The following THSD7A variants were observed in gnomAD, a reference collection of about 807,000 sequenced individuals.
The protein encoded by THSD7A is thrombospondin type-1 domain-containing protein 7A.
THSD7A carries 96 observed loss-of-function variants against 231.3 expected under a neutral mutation model. The observed-to-expected ratio is 0.41, with a 90% CI of 0.35 to 0.49. The LOEUF (loss-of-function observed/expected upper bound fraction) is 0.49. THSD7A is among the 20% of genes least tolerant of loss of function. The pLI, the probability that THSD7A is intolerant of heterozygous loss-of-function variation, is 0.05. For synonymous variants in THSD7A, 940 were observed against 743.3 expected, an observed-to-expected ratio of 1.26 and a Z score of -4.30; for missense variants, 2,290 against 2,070.2, an observed-to-expected ratio of 1.11 and a Z score of -2.06.
chr7:11,820,482 A>T, intron 1 of THSD7A: 1 of 1,051,614 alleles, frequency 9.5e-7, no homozygotes, highest in Non-Finnish European at 1.4e-6. Flanking sequence ...GTCATCATGC[A>T]AGTAATACTT....
At chr7:11,557,175 G>C (rs1029934342) in intron 4 of THSD7A, among the ~76,000 whole-genome samples, 1 of 151,382 alleles carries the variant, frequency 6.6e-6, no homozygotes, top group African/African-American at 2.4e-5. Flanking sequence ...ATTTTTTTCT[G>C]TGTTGTTCGG....
intron 4 of THSD7A, among the ~76,000 whole-genome samples, chr7:11,546,779 G>C (rs1220675507): frequency 6.6e-6 from 1 of 152,146 alleles, no homozygotes; most frequent in African/African-American, 2.4e-5. Context: ...AGATCACTGA[G>C]ATTCAGGAGA....
At chr7:11,764,235 T>A (rs1782956168) in intron 1 of THSD7A, among the ~76,000 whole-genome samples, 1 of 152,114 alleles carries the variant, frequency 6.6e-6, no homozygotes, top group Non-Finnish European at 1.5e-5. Context: ...AAATACCAAC[T>A]GAAATTAAAT....
chr7:11,519,098 T>C (rs1788155094), intron 6 of THSD7A, among the ~76,000 whole-genome samples: 1 of 152,172 alleles, frequency 6.6e-6, no homozygotes, highest in African/African-American at 2.4e-5. Flanking sequence ...TTTTCCTGTT[T>C]TTAATTTTTT....
intron 1 of THSD7A, among the ~76,000 whole-genome samples, chr7:11,739,134 T>A (rs1782018212): frequency 6.6e-6 from 1 of 151,974 alleles, no homozygotes; most frequent in Non-Finnish European, 1.5e-5. Context: ...AAGACATACA[T>A]AATTTGACTA....
intron 1 of THSD7A, among the ~76,000 whole-genome samples, chr7:11,823,012 C>A (rs1784918728): frequency 6.6e-6 from 1 of 152,004 alleles, no homozygotes; most frequent in Non-Finnish European, 1.5e-5. Flanking sequence ...AGGTCTCAGT[C>A]ATAAACTGAT....
chr7:11,757,140 C>T (rs1009619279), intron 1 of THSD7A, among the ~76,000 whole-genome samples: 12 of 151,846 alleles, frequency 7.9e-5, no homozygotes, highest in African/African-American at 2.2e-4. Context: ...CCACTGCAAA[C>T]GTGAAGGTTA....
chr7:11,590,878 CTTATAAATAT>C lies in THSD7A; in HGVS notation c.1272-247_1272-238del, dbSNP rs1228497347. 6.6e-6 allele frequency among the ~76,000 whole-genome samples: 1 copy of C among 152,076 alleles called. No homozygotes were observed. Among genetic ancestry groups the C allele is most frequent in the African/African-American group, 2.4e-5 (1 of 41,406 alleles). ...TTTCAATTGCAATTACTGGAAGTTA[CTTATAAATAT>C]TTTATGAAAAGGGAGCACAATGCTG... On this transcript the variant is annotated intron_variant, in intron 3 of 27. Coordinates refer to ENST00000423059, the MANE Select transcript of THSD7A (RefSeq NM_015204.3). This position sits in a 1 kb window ranked among gnomAD's most constrained non-coding sequence, Gnocchi z 4.4.
chr7:11,680,015 G>A (rs1286588832), intron 1 of THSD7A, among the ~76,000 whole-genome samples: 30 of 151,374 alleles, frequency 2.0e-4, no homozygotes, highest in African/African-American at 6.3e-4. Context: ...CCAATGGAAC[G>A]TAACAGAGGC....
At chr7:11,764,696 T>G (rs74601937) in intron 1 of THSD7A, among the ~76,000 whole-genome samples, 7,603 of 152,192 alleles carry the variant, frequency 0.05, 215 homozygotes, top group East Asian at 0.14. Context: ...TTATCATAAT[T>G]TTTAGTAATT....
chr7:11,812,346 CTG>C (rs1417408494), intron 1 of THSD7A, among the ~76,000 whole-genome samples: 2 of 152,010 alleles, frequency 1.3e-5, no homozygotes, highest in Non-Finnish European at 2.9e-5. Flanking sequence ...TATACTGAAA[CTG>C]AATATTTAGT....
chr7:11,554,309 C>T (rs894437137), intron 4 of THSD7A, among the ~76,000 whole-genome samples: 3 of 151,958 alleles, frequency 2.0e-5, no homozygotes, highest in Non-Finnish European at 4.4e-5. Flanking sequence ...AGAGAAGTAC[C>T]ATGCTTAACG....
chr7:11,782,000 T>C (rs1783646364), intron 1 of THSD7A, among the ~76,000 whole-genome samples: 1 of 152,164 alleles, frequency 6.6e-6, no homozygotes, highest in African/African-American at 2.4e-5. Context: ...GATCTAATTG[T>C]ACCCCTCCCC....
At chr7:11,504,943 A>C (rs1583865136) in intron 6 of THSD7A, among the ~76,000 whole-genome samples, 1 of 152,312 alleles carries the variant, frequency 6.6e-6, no homozygotes, top group East Asian at 1.9e-4. Context: ...AAACACTTTA[A>C]TAAAAATAAT....
chr7:11,735,100 A>C (rs981982006), intron 1 of THSD7A, among the ~76,000 whole-genome samples: 3 of 151,906 alleles, frequency 2.0e-5, no homozygotes, highest in African/African-American at 7.2e-5. Context: ...ATTATATCAC[A>C]TATAGTTCCA....
intron 4 of THSD7A, among the ~76,000 whole-genome samples, chr7:11,549,674 G>A (rs991549629): frequency 5.3e-5 from 8 of 151,948 alleles, no homozygotes; most frequent in African/African-American, 1.9e-4. Flanking sequence ...AACTAACACA[G>A]GAAAAGAAAA....
intron 25 of THSD7A, 123 bp downstream of exon 25, chr7:11,379,506 AT>A (rs1782424116): frequency 1.0e-6 from 1 of 961,032 alleles, no homozygotes; most frequent in African/African-American, 1.7e-5. Flanking sequence ...ATAAAAGGAG[AT>A]GTCTAAAATG....
intron 23 of THSD7A, among the ~76,000 whole-genome samples, chr7:11,400,432 A>G (rs963017338): frequency 7.2e-5 from 11 of 152,194 alleles, no homozygotes; most frequent in Admixed American, 3.9e-4. Context: ...TGCATCCCAT[A>G]TAACATTTGC....
At chr7:11,383,367 C>A (rs114230871) in intron 23 of THSD7A, among the ~76,000 whole-genome samples, 19 of 151,864 alleles carry the variant, frequency 1.3e-4, no homozygotes, top group Non-Finnish European at 2.4e-4. Flanking sequence ...AGCTATTTTT[C>A]TATTAGATTA....
Sources: gnomAD v4.1 joint callset for allele counts (sites outside exome capture counted in the v4.1 genomes callset) on GRCh38, gnomAD v4.1.1 for gene constraint, Gnocchi (gnomAD v3.1) non-coding constraint, MANE v1.5 for transcripts, NCBI Gene and HGNC (gene_info 2026-07-23, HGNC 2026-07-21) for gene names.